GPM6A: variants seen among roughly 807,000 people sequenced by gnomAD.
GPM6A encodes neuronal membrane glycoprotein M6-a.
In GPM6A, 7 loss-of-function variants were observed where a neutral mutation model predicts 32.1. That is an observed-to-expected ratio of 0.22 (90% CI 0.12 to 0.41). The LOEUF (loss-of-function observed/expected upper bound fraction) is 0.41, where lower values mean the gene tolerates loss of function less well. Among genes scored for constraint, GPM6A ranks in the 10% least tolerant of loss-of-function variants. GPM6A has a pLI of 1.00. For missense variants in GPM6A, 235 were observed against 347.2 expected (o/e 0.68, Z 2.57); for synonymous variants, 130 against 123.4 (o/e 1.05, Z -0.35).
chr4:175,827,102 G>A (rs528287439), intron 1 of GPM6A, among the ~76,000 whole-genome samples: 2 of 152,232 alleles, frequency 1.3e-5, no homozygotes, highest in African/African-American at 4.8e-5. Context: ...TACAGACGAG[G>A]AAAATGGGGC....
chr4:175,917,780 G>A (rs1738540320), intron 1 of GPM6A, among the ~76,000 whole-genome samples: 1 of 151,988 alleles, frequency 6.6e-6, no homozygotes, highest in South Asian at 2.1e-4. Flanking sequence ...AATGGCTTAA[G>A]AAATCTCAAC....
intron 1 of GPM6A, among the ~76,000 whole-genome samples, chr4:175,966,025 A>C (rs939674918): frequency 6.6e-6 from 1 of 152,206 alleles, no homozygotes; most frequent in Non-Finnish European, 1.5e-5. Flanking sequence ...CAATTCCTTA[A>C]GATACAATCC....
chr4:175,757,226 G>A (rs180812428), intron 1 of GPM6A, among the ~76,000 whole-genome samples: 5 of 152,006 alleles, frequency 3.3e-5, no homozygotes, highest in African/African-American at 4.8e-5. Flanking sequence ...AGGCATTCCC[G>A]TCTAAACACA....
chr4:175,894,497 C>A lies in GPM6A; in HGVS notation c.-22-82248G>T, dbSNP rs75191252. On this transcript the variant is annotated intron_variant, in intron 1 of 7. Transcript: ENST00000280187. Reference sequence around the variant, plus strand: ...AGCTGCTCCATTCTGCCCACAATTGCTTTTCATGAAAAGAAAGAGATTTTT... The same window carrying A: ...AGCTGCTCCATTCTGCCCACAATTGATTTTCATGAAAAGAAAGAGATTTTT... 2.3e-3 allele frequency among the ~76,000 whole-genome samples: 356 copies of A among 152,204 alleles called. 4 individuals carry two copies. The highest frequency in any genetic ancestry group is 8.1e-3 in the African/African-American group (338 of 41,548).
chr4:175,881,879 T>C (rs944591213), intron 1 of GPM6A, among the ~76,000 whole-genome samples: 9 of 152,102 alleles, frequency 5.9e-5, no homozygotes, highest in Non-Finnish European at 2.9e-5. Context: ...TTAAGAGATA[T>C]ATCTAATGTA....
intron 6 of GPM6A, among the ~76,000 whole-genome samples, chr4:175,637,327 T>A (rs1156533749): frequency 0.013 from 1,027 of 78,692 alleles, 110 homozygotes; most frequent in East Asian, 0.1. Context: ...AAAATATATA[T>A]TATATATTAT....
intron 1 of GPM6A, among the ~76,000 whole-genome samples, chr4:175,977,753 T>G (rs534692033): frequency 6.6e-6 from 1 of 152,218 alleles, no homozygotes; most frequent in Non-Finnish European, 1.5e-5. Flanking sequence ...CTATATTCAA[T>G]GTCTACGTGA....
chr4:175,667,711 A>G (rs1432688850), intron 3 of GPM6A, among the ~76,000 whole-genome samples: 1 of 152,180 alleles, frequency 6.6e-6, no homozygotes, highest in Non-Finnish European at 1.5e-5. Context: ...TCCAAAATAA[A>G]ATGTTTATTT....
chr4:175,682,475 G>A (rs974712361), intron 2 of GPM6A, among the ~76,000 whole-genome samples: 4 of 152,158 alleles, frequency 2.6e-5, no homozygotes, highest in Non-Finnish European at 5.9e-5. Flanking sequence ...AACGGAAAAA[G>A]AGCAAAGTAC....
chr4:175,672,983 G>C (rs999318867), intron 3 of GPM6A, among the ~76,000 whole-genome samples: 1 of 152,230 alleles, frequency 6.6e-6, no homozygotes, highest in Non-Finnish European at 1.5e-5. Context: ...TGAATTATAT[G>C]CTATAATTAG....
chr4:175,841,547 G>A (rs1161020609), intron 1 of GPM6A, among the ~76,000 whole-genome samples: 1 of 152,104 alleles, frequency 6.6e-6, no homozygotes, highest in African/African-American at 2.4e-5. Context: ...GCAAAGCCCA[G>A]CAGATAAACC....
At chr4:175,934,243 A>G (rs1739149878) in intron 1 of GPM6A, among the ~76,000 whole-genome samples, 1 of 152,190 alleles carries the variant, frequency 6.6e-6, no homozygotes, top group Non-Finnish European at 1.5e-5. Context: ...AAAGTCGACT[A>G]CTTTAAATGT....
At chr4:175,700,026 G>A (rs79928709) in intron 2 of GPM6A, among the ~76,000 whole-genome samples, 16,401 of 151,706 alleles carry the variant, frequency 0.11, 1,128 homozygotes, top group East Asian at 0.35. Context: ...CCATGCCCAG[G>A]TAATTTTTGC....
At chr4:175,754,393 A>G (rs115033577) in intron 1 of GPM6A, among the ~76,000 whole-genome samples, 5,868 of 152,254 alleles carry the variant, frequency 0.039, 202 homozygotes, top group African/African-American at 0.075. Context: ...CCCAAAAGTA[A>G]CTTCTCAGCA....
intron 1 of GPM6A, among the ~76,000 whole-genome samples, chr4:175,732,169 G>A (rs1373075660): frequency 6.6e-6 from 1 of 151,544 alleles, no homozygotes; most frequent in African/African-American, 2.4e-5. Flanking sequence ...ATTTCACCAT[G>A]TTGGCCAGGA....
chr4:175,810,742 A>T (rs956400598), intron 1 of GPM6A, among the ~76,000 whole-genome samples: 2 of 152,226 alleles, frequency 1.3e-5, no homozygotes, highest in African/African-American at 4.8e-5. Context: ...ATTACAAAAA[A>T]GATGTTGTCA....
rs567843602 is a variant in GPM6A, at chr4:175,794,713, G to A, written c.37+17478C>T. 6.6e-5 allele frequency among the ~76,000 whole-genome samples: 10 copies of A among 152,212 alleles called. No homozygotes were observed. In the East Asian group the frequency reaches 1.7e-3, roughly 26 times the overall value. On this transcript the variant is annotated intron_variant, in intron 1 of 6. Transcript: ENST00000393658. ...ATGAAGCACTGATTGAGGCATGGTC[G>A]GTAAGAAAGAAGATGGAAAATAAAT... is the stretch of plus-strand genomic sequence containing the variant.
At chr4:175,866,055 T>C (rs1377208194) in intron 1 of GPM6A, among the ~76,000 whole-genome samples, 1 of 152,224 alleles carries the variant, frequency 6.6e-6, no homozygotes, top group African/African-American at 2.4e-5. Context: ...TTTAAGTCTT[T>C]CACAGAATTT....
chr4:175,692,592 A>T (rs1744358621), intron 2 of GPM6A, among the ~76,000 whole-genome samples: 1 of 152,024 alleles, frequency 6.6e-6, no homozygotes, highest in Non-Finnish European at 1.5e-5. Context: ...AGCTCTTTTC[A>T]TGTAAGCTGC....
Sources: allele counts gnomAD v4.1 joint callset (sites outside exome capture counted in the v4.1 genomes callset), GRCh38; gene constraint gnomAD v4.1.1; transcripts MANE v1.5; gene names NCBI Gene and HGNC (gene_info 2026-07-23, HGNC 2026-07-21).